Variants in PIEZO2 observed in about 807,000 individuals in gnomAD.
PIEZO2 encodes the protein piezo-type mechanosensitive ion channel component 2.
A neutral mutation model predicts 337.3 loss-of-function variants in PIEZO2; 172 were observed. The observed-to-expected ratio is 0.51, with a 90% confidence interval of 0.45 to 0.58. The LOEUF (loss-of-function observed/expected upper bound fraction) is 0.58. Among genes scored for constraint, PIEZO2 ranks in the 20% least tolerant of loss-of-function variants. The pLI is 0.00. For synonymous variants in PIEZO2, 1,251 were observed against 1,228.5 expected (o/e 1.02, Z -0.38); for missense variants, 3,028 against 3,391.3 (o/e 0.89, Z 2.66).
intron 4 of PIEZO2, among the ~76,000 whole-genome samples, chr18:10,893,380 C>T (rs1010414210): frequency 1.3e-5 from 2 of 152,186 alleles, no homozygotes; most frequent in African/African-American, 4.8e-5. Context: ...GCAGGTCACA[C>T]CCACCTCAAC....
At chr18:10,852,243 A>G (rs1350880969) in intron 7 of PIEZO2, among the ~76,000 whole-genome samples, 2 of 152,206 alleles carry the variant, frequency 1.3e-5, no homozygotes, top group African/African-American at 2.4e-5. Context: ...GTGTCTATAC[A>G]AAATTCTTTT....
At chr18:10,743,408 A>G (rs146904426) in intron 31 of PIEZO2, among the ~76,000 whole-genome samples, 41 of 152,256 alleles carry the variant, frequency 2.7e-4, no homozygotes, top group African/African-American at 9.6e-4. Context: ...TGGTCCCCAA[A>G]CAGTCCTCAG....
Position 10,760,935 on chromosome 18 carries a change from G to A in PIEZO2, c.3426C>T (p.Tyr1142=), listed in dbSNP as rs1376244380. 15 of 1,532,542 alleles carry A rather than the reference G, an allele frequency of 9.8e-6. No homozygotes were observed. Among genetic ancestry groups the A allele is most frequent in the Admixed American group, 2.0e-5 (1 of 50,982 alleles). The allele number at this position is 1,532,542 out of a possible 1,614,324, so 94.9% of individuals were successfully genotyped here. Residue 1142 remains tyrosine, a synonymous_variant, in exon 24 of 56, where the codon TAC becomes TAT. Coordinates refer to ENST00000674853, the MANE Select transcript of PIEZO2 (RefSeq NM_001378183.1). ...LINCAKYFIN[Y]FFYKFGLETC... ...CCTCCAGACCAAACTTGTAAAAGAA[G>A]TAATTAATGAAATATTTGGCACAAT...
In PIEZO2 at chr18:10,797,448, T is replaced by C. The variant is rs1315942746; in HGVS notation, c.1453A>G (p.Lys485Glu). Residue 485 changes from lysine (K) to glutamate (E), a missense_variant, in exon 12 of 56, where the codon AAA (lysine) becomes GAA (glutamate). Lys to Glu is a moderately conservative substitution (Grantham distance 56). Transcript: ENST00000674853. The part of the protein sequence containing the change: ...ERSREEKRSI[K>E]VHAMVSVFQF... ...AATACGGAGACCATGGCATGAACTT[T>C]GATACTTCTTTTTTCCTCACGGCTC... is the stretch of plus-strand genomic sequence containing the variant. 4.1e-5 allele frequency: 63 copies of C among 1,537,084 alleles called. No individual in the cohort carries two copies. Among genetic ancestry groups the C allele is most frequent in the Non-Finnish European group, 5.4e-5 (62 of 1,146,916 alleles).
chr18:10,864,545 A>C (rs1370152083), intron 5 of PIEZO2, among the ~76,000 whole-genome samples: 1 of 152,266 alleles, frequency 6.6e-6, no homozygotes, highest in Non-Finnish European at 1.5e-5. Flanking sequence ...AAAACAAAAA[A>C]TAGTTCTTGT....
intron 2 of PIEZO2, among the ~76,000 whole-genome samples, chr18:11,000,288 T>G (rs939419333): frequency 2.6e-5 from 4 of 152,204 alleles, no homozygotes; most frequent in African/African-American, 9.6e-5. Flanking sequence ...AAAAGCTCAA[T>G]TTTCTATTTC....
In PIEZO2 at chr18:10,912,990, C is replaced by A. The variant is rs368509963; in HGVS notation, c.287-1762G>T. On this transcript the variant is annotated intron_variant, in intron 3 of 55. Transcript: ENST00000674853. Reference sequence around the variant, plus strand: ...TAAAAAAAAAAACACAGACTTTGAGCTAACCAGCCCAGGAATTTCTTTTGG... The same window carrying A: ...TAAAAAAAAAAACACAGACTTTGAGATAACCAGCCCAGGAATTTCTTTTGG... 1.3e-4 allele frequency among the ~76,000 whole-genome samples: 20 copies of A among 151,990 alleles called. 1 individual carries two copies. The South Asian group carries it at 1.7e-3, about 13-fold the overall frequency.
rs943909295 is a variant in PIEZO2 at position 11,104,674 on chromosome 18, G to A, written c.65-38452C>T. On this transcript the variant is annotated intron_variant, in intron 1 of 55. Coordinates refer to ENST00000674853, the MANE Select transcript of PIEZO2 (RefSeq NM_001378183.1). The surrounding 1 kb of genome is among the most constrained non-coding windows in gnomAD (Gnocchi z 4.6). The stretch of plus-strand genomic sequence containing the variant: ...TTTCTCAGCCTACCTACAACAAAGA[G>A]GTCTGTGGCCCGGCTGAGCCAAGAT... Among the ~76,000 whole-genome samples, 1 of 152,258 alleles carries A rather than the reference G, an allele frequency of 6.6e-6. No individual in the cohort carries two copies. The highest frequency in any genetic ancestry group is 2.4e-5 in the African/African-American group (1 of 41,474).
At chr18:11,088,447 T>A (rs555079666) in intron 1 of PIEZO2, among the ~76,000 whole-genome samples, 2 of 152,306 alleles carry the variant, frequency 1.3e-5, no homozygotes, top group East Asian at 3.9e-4. Flanking sequence ...CAAGGGATAT[T>A]CATAGGAGAA....
intron 37 of PIEZO2, among the ~76,000 whole-genome samples, 188 bp downstream of exon 37, chr18:10,718,012 A>C (rs1444367317): frequency 4.6e-5 from 7 of 152,248 alleles, no homozygotes; most frequent in African/African-American, 1.4e-4. Flanking sequence ...CATAAAGTCC[A>C]GACCTACTTT....
At chr18:10,717,500 A>G (rs1317217631) in intron 37 of PIEZO2, among the ~76,000 whole-genome samples, 1 of 152,192 alleles carries the variant, frequency 6.6e-6, no homozygotes, top group Admixed American at 6.5e-5. Context: ...CGAAGAGATA[A>G]CCGCATAGGC....
chr18:11,124,667 T>C (rs1428619888), intron 1 of PIEZO2, among the ~76,000 whole-genome samples: 2 of 152,200 alleles, frequency 1.3e-5, no homozygotes, highest in Non-Finnish European at 1.5e-5. Context: ...AGACTAACTC[T>C]GGGCAGGGTT....
Position 10,762,525 on chromosome 18 carries a change from G to A in PIEZO2, c.3224C>T (p.Ser1075Phe). 3 of 1,537,294 alleles carry A rather than the reference G, an allele frequency of 2.0e-6. No homozygotes were observed. Among genetic ancestry groups the A allele is most frequent in the Non-Finnish European group, 2.6e-6 (3 of 1,146,928 alleles). ...DPTEWVGLRKSSPLLVYLRNN... is the reference protein window; with the variant it reads ...DPTEWVGLRKFSPLLVYLRNN... ...CCTCAGGTAGACTAGCAGAGGCGAA[G>A]ACTTCCGCAGGCCGACCCACTCTGT... The change falls in exon 23 of 56, where the codon TCT becomes TTT. Residue 1075 changes from serine (S) to phenylalanine (F), a missense_variant. By Grantham distance (155) the Ser-to-Phe change is radical (BLOSUM62 -2). Coordinates refer to ENST00000674853, the MANE Select transcript of PIEZO2 (RefSeq NM_001378183.1).
chr18:10,887,100 C>T (rs919064891), intron 4 of PIEZO2, among the ~76,000 whole-genome samples: 5 of 134,900 alleles, frequency 3.7e-5, no homozygotes, highest in South Asian at 2.4e-4. Flanking sequence ...GACAGAGTCT[C>T]GCTGTGTTGA....
At chr18:10,995,096 A>AG (rs2035270761) in intron 2 of PIEZO2, among the ~76,000 whole-genome samples, 2 of 104,482 alleles carry the variant, frequency 1.9e-5, no homozygotes, top group African/African-American at 3.4e-5. Flanking sequence ...AAAAAAAAAA[A>AG]GAAAAGCGTT....
rs1324073907 is a variant in PIEZO2, at chr18:10,833,458, G to C, written c.917+21895C>G. 6.6e-6 allele frequency among the ~76,000 whole-genome samples: 1 copy of C among 152,128 alleles called. No individual in the cohort carries two copies. The highest frequency in any genetic ancestry group is 1.5e-5 in the Non-Finnish European group (1 of 68,028). Reference sequence around the variant, plus strand: ...AACCCCTGGAATCTCCTGGGGCGGGGCTGAAGGTGGCAGAACATGCAGGCA... The same window carrying C: ...AACCCCTGGAATCTCCTGGGGCGGGCCTGAAGGTGGCAGAACATGCAGGCA... On this transcript the variant is annotated intron_variant, in intron 7 of 55. Coordinates refer to ENST00000674853, the MANE Select transcript of PIEZO2 (RefSeq NM_001378183.1). The surrounding 1 kb of genome is among the most constrained non-coding windows in gnomAD (Gnocchi z 4.7).
chr18:10,756,364 C>G (rs2037848020), intron 27 of PIEZO2, among the ~76,000 whole-genome samples: 1 of 139,520 alleles, frequency 7.2e-6, no homozygotes, highest in Non-Finnish European at 1.5e-5. Flanking sequence ...TAAGAATGAG[C>G]TATGGGGATG....
intron 55 of PIEZO2, 98 bp from the exon 56 acceptor site, chr18:10,671,877 T>G (rs1180780278): frequency 9.7e-6 from 11 of 1,137,120 alleles, no homozygotes; most frequent in Non-Finnish European, 1.2e-5. Context: ...TCCCTCAAAT[T>G]CTGTAGAAGA....
chr18:11,125,259 G>A lies in PIEZO2; in HGVS notation c.64+23266C>T, dbSNP rs2040151505. 6.6e-6 allele frequency among the ~76,000 whole-genome samples: 1 copy of A among 152,172 alleles called. No individual in the cohort carries two copies. Among genetic ancestry groups the A allele is most frequent in the East Asian group, 1.9e-4 (1 of 5,198 alleles). ...AGAAAACCATTATAAGCCCTCTTGA[G>A]CTGATAATTCAAAAAGTATGCGAAT... On this transcript the variant is annotated intron_variant, in intron 1 of 55. Coordinates refer to ENST00000674853, the MANE Select transcript of PIEZO2 (RefSeq NM_001378183.1). The surrounding 1 kb of genome is among the most constrained non-coding windows in gnomAD (Gnocchi z 4.4).
Sources: gnomAD v4.1 joint callset for allele counts (sites outside exome capture counted in the v4.1 genomes callset) on GRCh38, gnomAD v4.1.1 for gene constraint, Gnocchi (gnomAD v3.1) non-coding constraint, MANE v1.5 for transcripts, NCBI Gene and HGNC (gene_info 2026-07-23, HGNC 2026-07-21) for gene names.